OGT: variants seen among roughly 807,000 people sequenced by gnomAD.
OGT encodes O-linked N-acetylglucosamine (GlcNAc) transferase, also known as UDP-N-acetylglucosamine--peptide N-acetylglucosaminyltransferase 110 kDa subunit.
In OGT, 3 loss-of-function variants were observed where a neutral mutation model predicts 75.8. The observed-to-expected ratio is 0.04, with a 90% CI of 0.02 to 0.10. The LOEUF is 0.10. OGT is among the 10% of genes least tolerant of loss of function. The pLI is 1.00. For missense variants in OGT, 260 were observed against 824.4 expected, an observed-to-expected ratio of 0.32 and a Z score of 8.38; for synonymous variants, 257 against 289.7, an observed-to-expected ratio of 0.89 and a Z score of 1.15.
chrX:71,551,217 C>T (rs1049362786), intron 5 of OGT, among the ~76,000 whole-genome samples: 1 of 112,058 alleles, frequency 8.9e-6, no homozygotes, highest in Non-Finnish European at 1.9e-5. Flanking sequence ...ATATGTCTTC[C>T]CTCTCCTGTA....
intron 8 of OGT, among the ~76,000 whole-genome samples, 158 bp downstream of exon 8, chrX:71,556,252 G>A (rs1362799493): frequency 8.9e-6 from 1 of 112,362 alleles, no homozygotes; most frequent in African/African-American, 3.2e-5. Flanking sequence ...ATGATGTGAG[G>A]CCCTATGTGA....
intron 19 of OGT, among the ~76,000 whole-genome samples, chrX:71,565,467 G>T (rs1388950910): frequency 9.0e-6 from 1 of 111,123 alleles, no homozygotes; most frequent in African/African-American, 3.3e-5. Context: ...GGCCTCAAGA[G>T]ATCTGCCCGC....
chrX:71,552,711 C>CTT (rs763506860), intron 5 of OGT, among the ~76,000 whole-genome samples: 930 of 90,706 alleles, frequency 0.01, 13 homozygotes, highest in African/African-American at 0.035. Context: ...GAATTGCTGT[C>CTT]TTTTTTTTTT....
chrX:71,533,699 C>T (rs934034731), intron 1 of OGT, among the ~76,000 whole-genome samples: 1 of 110,943 alleles, frequency 9.0e-6, no homozygotes, highest in African/African-American at 3.3e-5. Flanking sequence ...GGTTTTCTCC[C>T]CTAATTCCAG....
chrX:71,563,863 C>A (rs2040400259), intron 18 of OGT, among the ~76,000 whole-genome samples: 1 of 112,008 alleles, frequency 8.9e-6, no homozygotes, highest in Admixed American at 9.5e-5. Context: ...TTCCAGGAAT[C>A]CATTTCCGTA....
At chrX:71,561,073 G>A (rs1001504295) in intron 14 of OGT, among the ~76,000 whole-genome samples, 6 of 109,269 alleles carry the variant, frequency 5.5e-5, no homozygotes, top group African/African-American at 2.0e-4. Flanking sequence ...GATTACAGGC[G>A]CCTGCCACCA....
chrX:71,534,409 T>G (rs2040159682), intron 1 of OGT: 3 of 110,512 alleles, frequency 2.7e-5, no homozygotes, highest in Non-Finnish European at 5.7e-5. Context: ...ATTGTAGGAG[T>G]GTCCTTCAGC....
intron 5 of OGT, among the ~76,000 whole-genome samples, chrX:71,548,276 G>A (rs2040276022): frequency 9.0e-6 from 1 of 110,939 alleles, no homozygotes; most frequent in South Asian, 3.9e-4. Context: ...TTCCCTTTCA[G>A]TACAAGATTC....
At chrX:71,553,433 TACTC>T (rs1435746827) in intron 5 of OGT, among the ~76,000 whole-genome samples, 5 of 111,640 alleles carry the variant, frequency 4.5e-5, no homozygotes, top group Non-Finnish European at 7.5e-5. Flanking sequence ...AACATACAAT[TACTC>T]AGTGTCTTAA....
chrX:71,533,807 C>CG (rs2040153412), intron 1 of OGT, among the ~76,000 whole-genome samples: 1 of 109,234 alleles, frequency 9.2e-6, no homozygotes, highest in Non-Finnish European at 1.9e-5. Flanking sequence ...CAATCTAGGG[C>CG]GGGGGTGCCG....
intron 2 of OGT, 76 bp downstream of exon 2, chrX:71,536,434 G>A: frequency 1.1e-6 from 1 of 899,878 alleles, no homozygotes; most frequent in African/African-American, 2.1e-5. Flanking sequence ...TTAAATATTT[G>A]AACTTGAAAT....
chrX:71,555,134 TTGTGTGTG>T (rs376605851), intron 6 of OGT, 48 bp from the exon 7 acceptor site: 10,715 of 529,363 alleles, frequency 0.02, 113 homozygotes, highest in Admixed American at 0.12. Context: ...GAGTTACATT[TTGTGTGTG>T]TGTGTGTGTG....
rs2040145518 is a variant in OGT, at chrX:71,533,133, A to G, written c.-167A>G. The G allele has an allele frequency of 1.2e-5, 6 of 484,532 alleles. No individual in the cohort carries two copies. The highest frequency in any genetic ancestry group is 1.2e-4 in the South Asian group (4 of 33,518). The allele number at this position is 484,532 out of a possible 1,213,427, so 39.9% of individuals were successfully genotyped here. On this transcript the variant is annotated 5_prime_UTR_variant, in exon 1 of 22. Coordinates refer to ENST00000373719, the MANE Select transcript of OGT (RefSeq NM_181672.3). ...CAAGACCGTACTAGGTAGATGGTCAATTAGAGTTCCCAGGGTTTGAAGCCT... is the reference window on the plus strand; with the variant it reads ...CAAGACCGTACTAGGTAGATGGTCAGTTAGAGTTCCCAGGGTTTGAAGCCT...
intron 12 of OGT, 44 bp downstream of exon 12, chrX:71,557,716 C>T: frequency 9.8e-7 from 1 of 1,022,896 alleles, no homozygotes; most frequent in South Asian, 2.3e-5. Flanking sequence ...AACTAAAACA[C>T]AAATACAGAA....
At chrX:71,537,702 A>T in intron 2 of OGT, 127 bp from the exon 3 acceptor site, 1 of 773,912 alleles carries the variant, frequency 1.3e-6, no homozygotes, top group Non-Finnish European at 1.9e-6. Flanking sequence ...GCTATGCACT[A>T]GTTAAAAGAT....
Position 71,569,557 on chromosome X carries a change from C to A in OGT, c.2966+1441C>A, listed in dbSNP as rs1004339925. On this transcript the variant is annotated intron_variant, in intron 21 of 21. Transcript: ENST00000373719. ...CTAGGTTGGAATGCAGTGGGGTGAT[C>A]TTGGCTCACTGCAGCCTCCACGTCC... Among the ~76,000 whole-genome samples the A allele has an allele frequency of 9.1e-5, 10 of 110,095 alleles. No individual in the cohort carries two copies. In the East Asian group the frequency reaches 2.9e-3, roughly 31 times the overall value.
At chrX:71,540,455 G>A (rs1045439363) in intron 3 of OGT, among the ~76,000 whole-genome samples, 13 of 112,039 alleles carry the variant, frequency 1.2e-4, no homozygotes, top group African/African-American at 4.2e-4. Context: ...CAGTGAAAGA[G>A]TAGAATGTTA....
At chrX:71,567,051 A>G (rs2040421298) in intron 19 of OGT, among the ~76,000 whole-genome samples, 1 of 112,702 alleles carries the variant, frequency 8.9e-6, no homozygotes, top group South Asian at 3.6e-4. Context: ...GCTACAGCAG[A>G]AGAACTGAGC....
chrX:71,556,885 A>C, intron 9 of OGT, 67 bp from the exon 10 acceptor site: 16 of 1,117,605 alleles, frequency 1.4e-5, no homozygotes, highest in Non-Finnish European at 1.1e-5. Flanking sequence ...ACAACGGAAT[A>C]AGTTAGCATT....
Sources: allele counts gnomAD v4.1 joint callset (sites outside exome capture counted in the v4.1 genomes callset), GRCh38; gene constraint gnomAD v4.1.1; transcripts MANE v1.5; gene names NCBI Gene and HGNC (gene_info 2026-07-23, HGNC 2026-07-21).